CLNK: variants seen among roughly 807,000 people sequenced by gnomAD.
The protein encoded by CLNK is cytokine-dependent hematopoietic cell linker.
CLNK carries 74 observed loss-of-function variants against 68.6 expected under a neutral mutation model. The observed-to-expected ratio is 1.08, with a 90% CI of 0.89 to 1.31. The LOEUF (loss-of-function observed/expected upper bound fraction) is 1.31. Among genes scored for constraint, CLNK ranks in the 50% most tolerant of loss-of-function variants. The probability of loss-of-function intolerance (pLI) is 0.00; values close to 1 mark genes in which losing one functional copy is unlikely to be tolerated. For missense variants in CLNK, 553 were observed against 515.3 expected, an observed-to-expected ratio of 1.07 and a Z score of -0.71; for synonymous variants, 198 against 172.2, an observed-to-expected ratio of 1.15 and a Z score of -1.17.
Position 10,653,395 on chromosome 4 carries a change from A to T in CLNK, c.11+14464T>A, listed in dbSNP as rs535976552. On this transcript the variant is annotated intron_variant, in intron 2 of 18. Transcript: ENST00000226951. ...AACGTAAAATAAACTCTCAAAAAAAACTCACAAAATAAAGCTTATAGACTA... is the reference window on the plus strand; with the variant it reads ...AACGTAAAATAAACTCTCAAAAAAATCTCACAAAATAAAGCTTATAGACTA... 5.5e-4 allele frequency among the ~76,000 whole-genome samples: 84 copies of T among 151,640 alleles called. 3 individuals carry two copies. In the East Asian group the frequency reaches 0.016, roughly 29 times the overall value.
intron 2 of CLNK, among the ~76,000 whole-genome samples, chr4:10,631,030 G>C (rs956570681): frequency 2.1e-5 from 3 of 143,254 alleles, no homozygotes; most frequent in African/African-American, 7.4e-5. Context: ...ACAGACCAAT[G>C]GCACCAAATG....
In CLNK at chr4:10,540,514, T is replaced by C; in HGVS notation, c.582A>G (p.Pro194=). Residue 194 remains proline, a synonymous_variant, in exon 11 of 19, where the codon CCA becomes CCG. Coordinates refer to ENST00000226951, the MANE Select transcript of CLNK (RefSeq NM_052964.4). The stretch of plus-strand genomic sequence containing the variant: ...CTCACCTGGGCATTCTCTGGACTTC[T>C]GGAAAGGTGTGTCTCTGAGATAAAG... ...RPPLSQRHTF[P]EVQRMPSQIS... is the part of the protein sequence containing the mutation. The C allele has an allele frequency of 1.2e-6, 2 of 1,613,136 alleles. No individual in the cohort carries two copies. The highest frequency in any genetic ancestry group is 1.7e-6 in the Non-Finnish European group (2 of 1,179,144).
chr4:10,495,953 C>T (rs1168292601), intron 18 of CLNK, among the ~76,000 whole-genome samples: 3 of 152,160 alleles, frequency 2.0e-5, no homozygotes, highest in Non-Finnish European at 4.4e-5. Flanking sequence ...GAGTGATTCT[C>T]CCCTGGAGCC....
intron 4 of CLNK, among the ~76,000 whole-genome samples, chr4:10,576,928 C>T (rs369228740): frequency 2.0e-5 from 3 of 152,150 alleles, no homozygotes; most frequent in Non-Finnish European, 4.4e-5. Flanking sequence ...GGTGCAGGGC[C>T]GGTGCCTTCA....
At chr4:10,583,986 A>G (rs1720880166) in intron 4 of CLNK, among the ~76,000 whole-genome samples, 1 of 152,174 alleles carries the variant, frequency 6.6e-6, no homozygotes, top group African/African-American at 2.4e-5. Context: ...GAGGGGTGAG[A>G]GGTGCAGGTA....
At chr4:10,620,072 C>T (rs1361639895) in intron 2 of CLNK, among the ~76,000 whole-genome samples, 1 of 152,126 alleles carries the variant, frequency 6.6e-6, no homozygotes, top group Admixed American at 6.5e-5. Flanking sequence ...CTCTTCACGG[C>T]CAAGTGAGAA....
At chr4:10,490,653 C>T (rs938735906) in intron 18 of CLNK, 40 bp from the exon 19 acceptor site, 2 of 1,518,246 alleles carry the variant, frequency 1.3e-6, no homozygotes, top group African/African-American at 1.4e-5. Flanking sequence ...TTTAAAATAT[C>T]TTTTGTGTCT....
the CLNK span, among the ~76,000 whole-genome samples, chr4:10,713,017 G>A: frequency 2.4e-4 from 36 of 152,176 alleles, no homozygotes; most frequent in African/African-American, 3.6e-4. Flanking sequence ...CTTAAAAAAC[G>A]TAGTCTCTGA....
At chr4:10,727,771 G>C in the CLNK span, among the ~76,000 whole-genome samples, 2 of 152,192 alleles carry the variant, frequency 1.3e-5, no homozygotes, top group African/African-American at 4.8e-5. Context: ...GTAAATAATG[G>C]AACACCAGGC....
chr4:10,545,860 A>T (rs1448684043), intron 8 of CLNK, among the ~76,000 whole-genome samples: 1 of 152,138 alleles, frequency 6.6e-6, no homozygotes, highest in East Asian at 1.9e-4. Flanking sequence ...TAAAACTTGT[A>T]CCTTGCAGAG....
chr4:10,704,383 T>C, the CLNK span, among the ~76,000 whole-genome samples: 2 of 152,246 alleles, frequency 1.3e-5, no homozygotes, highest in Non-Finnish European at 2.9e-5. Flanking sequence ...TTAGAATCAT[T>C]TTTATTTTCA....
chr4:10,523,292 G>A lies in CLNK; in HGVS notation c.732-2461C>T, dbSNP rs180759888. ...TGAAGAGTTCGATTTCCACCATTGT[G>A]AGTCTGTGCTGCCTGGGACTGAGCT... On this transcript the variant is annotated intron_variant, in intron 14 of 18. Coordinates refer to ENST00000226951, the MANE Select transcript of CLNK (RefSeq NM_052964.4). Among the ~76,000 whole-genome samples the A allele has an allele frequency of 2.4e-4, 37 of 152,298 alleles. No individual in the cohort carries two copies. In the South Asian group the frequency reaches 2.7e-3, roughly 11 times the overall value.
At chr4:10,595,704 T>C (rs1202462004) in intron 3 of CLNK, among the ~76,000 whole-genome samples, 1 of 152,120 alleles carries the variant, frequency 6.6e-6, no homozygotes, top group Non-Finnish European at 1.5e-5. Flanking sequence ...ATATTAGTAA[T>C]AATAATTACA....
At chr4:10,561,211 C>T (rs961513733) in intron 7 of CLNK, among the ~76,000 whole-genome samples, 1 of 152,162 alleles carries the variant, frequency 6.6e-6, no homozygotes, top group African/African-American at 2.4e-5. Flanking sequence ...AAAACTCCCT[C>T]TTCATCTGAA....
In CLNK at chr4:10,667,802, C is replaced by A. The variant is rs1053300042; in HGVS notation, c.11+57G>T. 3.2e-5 allele frequency: 48 copies of A among 1,520,764 alleles called. No homozygotes were observed. In the East Asian group the frequency reaches 1.1e-3, roughly 35 times the overall value. 94.2% of individuals were successfully genotyped at this position (1,520,764 alleles called of 1,614,324 possible). A position where few individuals can be genotyped will look rare whatever the true frequency, so the allele number is the denominator to read the frequency against. On this transcript the variant is annotated intron_variant, in intron 2 of 18. Coordinates refer to ENST00000226951, the MANE Select transcript of CLNK (RefSeq NM_052964.4). ...TCTCAGTTCATCTTCCAGAAAACACCTCCTGTCCCCACCAAGAAAAGGGAA... is the reference window on the plus strand; with the variant it reads ...TCTCAGTTCATCTTCCAGAAAACACATCCTGTCCCCACCAAGAAAAGGGAA...
intron 1 of CLNK, among the ~76,000 whole-genome samples, chr4:10,668,300 A>C (rs1443364652): frequency 6.6e-6 from 1 of 152,232 alleles, no homozygotes. Flanking sequence ...ATGTGGCTTT[A>C]CCATAAAATA....
the CLNK span, among the ~76,000 whole-genome samples, chr4:10,719,903 A>G: frequency 1.3e-5 from 2 of 152,190 alleles, no homozygotes; most frequent in Non-Finnish European, 2.9e-5. Context: ...TAACAAAGAT[A>G]CCAGAAAAAT....
rs749244374 is a variant in CLNK, at chr4:10,532,174, A to G, written c.630+82T>C. 1.1e-5 allele frequency: 11 copies of G among 984,170 alleles called. No individual in the cohort carries two copies. In the South Asian group the frequency reaches 1.5e-4, roughly 13 times the overall value. 61.0% of individuals were successfully genotyped at this position (984,170 alleles called of 1,614,324 possible). ...GTGAGAACTAAGTGTAAGTATCTGAAGCAAATAGAATCTTGCCTATTGCAG... is the reference window on the plus strand; with the variant it reads ...GTGAGAACTAAGTGTAAGTATCTGAGGCAAATAGAATCTTGCCTATTGCAG... On this transcript the variant is annotated intron_variant, in intron 12 of 18. Transcript: ENST00000226951.
At chr4:10,576,339 C>T (rs891040325) in intron 4 of CLNK, among the ~76,000 whole-genome samples, 4 of 152,192 alleles carry the variant, frequency 2.6e-5, no homozygotes, top group African/African-American at 4.8e-5. Context: ...ATATCTGCAT[C>T]CCAGGAGAGT....
Sources: gnomAD v4.1 joint callset for allele counts (sites outside exome capture counted in the v4.1 genomes callset) on GRCh38, gnomAD v4.1.1 for gene constraint, MANE v1.5 for transcripts, NCBI Gene and HGNC (gene_info 2026-07-23, HGNC 2026-07-21) for gene names.